METTL16: variants seen among roughly 807,000 people sequenced by gnomAD.
METTL16 encodes the protein RNA N(6)-adenosine-methyltransferase METTL16.
METTL16 carries 19 observed loss-of-function variants against 57.9 expected under a neutral mutation model. The ratio of observed to expected loss-of-function variants is 0.33; its 90% CI spans 0.23 to 0.48. The LOEUF (loss-of-function observed/expected upper bound fraction) is 0.48. Ranked by LOEUF, METTL16 falls within the 20% of genes least tolerant of loss-of-function variation. The probability of loss-of-function intolerance (pLI) is 0.99; values close to 1 mark genes in which losing one functional copy is unlikely to be tolerated. For synonymous variants in METTL16, 246 were observed against 255.6 expected, an observed-to-expected ratio of 0.96 and a Z score of 0.36; for missense variants, 434 against 691.5, an observed-to-expected ratio of 0.63 and a Z score of 4.18.
intron 6 of METTL16, among the ~76,000 whole-genome samples, chr17:2,448,716 C>T (rs1336683901): frequency 1.3e-4 from 14 of 104,974 alleles, no homozygotes; most frequent in African/African-American, 5.5e-4. Flanking sequence ...TCCCCCTCTG[C>T]GAGAAACACC....
At chr17:2,457,877 C>A (rs188557632) in intron 6 of METTL16, among the ~76,000 whole-genome samples, 1 of 151,950 alleles carries the variant, frequency 6.6e-6, no homozygotes, top group Non-Finnish European at 1.5e-5. Flanking sequence ...ATTCAAAAGG[C>A]CCAGATTATT....
intron 2 of METTL16, among the ~76,000 whole-genome samples, chr17:2,479,397 A>G (rs1234095401): frequency 2.8e-5 from 4 of 144,090 alleles, no homozygotes; most frequent in African/African-American, 5.2e-5. Context: ...CTGGTCTTGA[A>G]CTCCTGGGCC....
intron 6 of METTL16, among the ~76,000 whole-genome samples, chr17:2,454,508 T>C (rs758262760): frequency 1.1e-4 from 17 of 151,772 alleles, no homozygotes; most frequent in Non-Finnish European, 2.1e-4. Context: ...TATGCTCTTA[T>C]AAGTGATTTT....
intron 3 of METTL16, 102 bp downstream of exon 3, chr17:2,477,584 T>C: frequency 2.3e-6 from 2 of 874,260 alleles, no homozygotes; most frequent in South Asian, 1.6e-5. Flanking sequence ...AGCCAGCTTC[T>C]TTTGTACAAC....
chr17:2,447,899 T>G (rs1177209706), intron 6 of METTL16, among the ~76,000 whole-genome samples: 202 of 11,408 alleles, frequency 0.018, no homozygotes, highest in Admixed American at 0.022. Flanking sequence ...GGGAGGGAGG[T>G]GGGGGGGGTC....
intron 6 of METTL16, among the ~76,000 whole-genome samples, chr17:2,456,689 G>T (rs1253480992): frequency 6.6e-6 from 1 of 152,046 alleles, no homozygotes. Flanking sequence ...GGCTGGTCTT[G>T]AACTCCTGGC....
chr17:2,457,237 C>T lies in METTL16; in HGVS notation c.728+6971G>A, dbSNP rs569741009. On this transcript the variant is annotated intron_variant, in intron 6 of 9. Coordinates refer to ENST00000263092, the MANE Select transcript of METTL16 (RefSeq NM_024086.4). ...CCTGTAGTCCAAGCTACTAGGGAGG[C>T]TGAGGCAGGAGAATGGCGTGAACCT... 1.4e-4 allele frequency among the ~76,000 whole-genome samples: 20 copies of T among 145,704 alleles called. No homozygotes were observed. The South Asian group carries it at 3.7e-3, about 27-fold the overall frequency.
At chr17:2,454,158 T>C (rs1283309583) in intron 6 of METTL16, among the ~76,000 whole-genome samples, 1 of 152,194 alleles carries the variant, frequency 6.6e-6, no homozygotes, top group South Asian at 2.1e-4. Context: ...TCCAGGCTCA[T>C]TGTGTATTCA....
chr17:2,482,841 A>T (rs183508557), intron 2 of METTL16, among the ~76,000 whole-genome samples: 1 of 152,240 alleles, frequency 6.6e-6, no homozygotes, highest in African/African-American at 2.4e-5. Context: ...AGCCCAGGAG[A>T]TCAAGGCTGC....
At chr17:2,444,661 G>T (rs971513810) in intron 6 of METTL16, among the ~76,000 whole-genome samples, 1 of 151,312 alleles carries the variant, frequency 6.6e-6, no homozygotes, top group African/African-American at 2.4e-5. Flanking sequence ...ACACAGAGCA[G>T]CTTCTAGTCC....
At chr17:2,428,058 G>A (rs886136896) in intron 8 of METTL16, among the ~76,000 whole-genome samples, 6 of 151,356 alleles carry the variant, frequency 4.0e-5, no homozygotes, top group African/African-American at 1.5e-4. Flanking sequence ...GAGGGGAGAG[G>A]AGGAAAGGAA....
At chr17:2,442,210 A>G (rs1457697278) in intron 6 of METTL16, among the ~76,000 whole-genome samples, 1 of 152,242 alleles carries the variant, frequency 6.6e-6, no homozygotes, top group Non-Finnish European at 1.5e-5. Flanking sequence ...TCCACCATAA[A>G]CAACCAGGAA....
At chr17:2,445,386 A>G (rs778204014) in intron 6 of METTL16, among the ~76,000 whole-genome samples, 4 of 152,206 alleles carry the variant, frequency 2.6e-5, no homozygotes, top group Non-Finnish European at 5.9e-5. Flanking sequence ...TGCATTTCTC[A>G]GATTTCCCCC....
chr17:2,471,314 T>C (rs1410808588), intron 4 of METTL16, among the ~76,000 whole-genome samples: 3 of 152,116 alleles, frequency 2.0e-5, no homozygotes, highest in Non-Finnish European at 4.4e-5. Flanking sequence ...TGGGATTACA[T>C]GCATGCGCCA....
At chr17:2,477,471 C>T (rs1371594649) in intron 3 of METTL16, 6 of 528,700 alleles carry the variant, frequency 1.1e-5, no homozygotes, top group South Asian at 2.5e-5. Context: ...AAATCTGGAA[C>T]GCTCCAACGC....
At chr17:2,491,506 T>C (rs895300514) in intron 2 of METTL16, among the ~76,000 whole-genome samples, 2 of 152,154 alleles carry the variant, frequency 1.3e-5, no homozygotes, top group East Asian at 3.9e-4. Context: ...AGTCTTTAGA[T>C]GGTCACTGAG....
chr17:2,482,253 A>AT (rs1269387631), intron 2 of METTL16, among the ~76,000 whole-genome samples: 1 of 152,142 alleles, frequency 6.6e-6, no homozygotes, highest in African/African-American at 2.4e-5. Context: ...AACAAAATCA[A>AT]TTTTTTTCTC....
At chr17:2,482,980 G>A (rs923019775) in intron 2 of METTL16, among the ~76,000 whole-genome samples, 3 of 150,848 alleles carry the variant, frequency 2.0e-5, no homozygotes, top group Non-Finnish European at 4.4e-5. Flanking sequence ...ATAAAATCAG[G>A]GGCAGTAAAG....
intron 8 of METTL16, among the ~76,000 whole-genome samples, chr17:2,436,210 A>G (rs1030193096): frequency 5.3e-5 from 8 of 152,166 alleles, no homozygotes; most frequent in African/African-American, 1.7e-4. Flanking sequence ...TATTCTAGAA[A>G]ATGACAGAAA....
Sources: gnomAD v4.1 joint callset for allele counts (sites outside exome capture counted in the v4.1 genomes callset) on GRCh38, gnomAD v4.1.1 for gene constraint, MANE v1.5 for transcripts, NCBI Gene and HGNC (gene_info 2026-07-23, HGNC 2026-07-21) for gene names.